The following RGS6 variants were observed in gnomAD, a reference collection of about 807,000 sequenced individuals.
RGS6 encodes regulator of G-protein signaling 6.
A neutral mutation model predicts 78.5 loss-of-function variants in RGS6; 30 were observed. That is an observed-to-expected ratio of 0.38 (90% CI 0.29 to 0.52). RGS6 has a LOEUF of 0.52. Ranked by LOEUF, RGS6 falls within the 20% of genes least tolerant of loss-of-function variation. The pLI, the probability that RGS6 is intolerant of heterozygous loss-of-function variation, is 0.85. For synonymous variants in RGS6, 206 were observed against 206.0 expected (o/e 1.00, Z 0.00); for missense variants, 495 against 609.7 (o/e 0.81, Z 1.98).
chr14:72,304,824 G>A (rs2066876212), intron 2 of RGS6, among the ~76,000 whole-genome samples: 1 of 152,300 alleles, frequency 6.6e-6, no homozygotes, highest in South Asian at 2.1e-4. Flanking sequence ...AGGTTGCCAT[G>A]AGTTGAGATC....
At chr14:71,919,084 T>C in the RGS6 span, among the ~76,000 whole-genome samples, 25 of 152,152 alleles carry the variant, frequency 1.6e-4, no homozygotes, top group Admixed American at 5.2e-4. Flanking sequence ...GCTTTCTTCC[T>C]TTGTGCTCAT....
At chr14:72,534,551 G>A (rs1362883325) in intron 15 of RGS6, among the ~76,000 whole-genome samples, 3 of 152,186 alleles carry the variant, frequency 2.0e-5, no homozygotes, top group African/African-American at 7.2e-5. Context: ...AGACCAAATA[G>A]TATTCCATTA....
At chr14:72,254,450 C>G (rs2056606664) in intron 2 of RGS6, among the ~76,000 whole-genome samples, 1 of 152,034 alleles carries the variant, frequency 6.6e-6, no homozygotes, top group Non-Finnish European at 1.5e-5. Context: ...CACATTGAAG[C>G]CTCATCTGCT....
At chr14:72,302,947 T>A (rs955214525) in intron 2 of RGS6, among the ~76,000 whole-genome samples, 3 of 152,190 alleles carry the variant, frequency 2.0e-5, no homozygotes, top group African/African-American at 4.8e-5. Flanking sequence ...AAAGGGCTGT[T>A]CCCCTGTACG....
chr14:72,078,554 C>T (rs1248489103), intron 2 of RGS6, among the ~76,000 whole-genome samples: 2 of 152,150 alleles, frequency 1.3e-5, no homozygotes, highest in African/African-American at 2.4e-5. Context: ...GCTGGGATTA[C>T]AGGCGCCCGT....
intron 3 of RGS6, among the ~76,000 whole-genome samples, chr14:72,379,346 AAAAT>A (rs1274057169): frequency 6.6e-6 from 1 of 152,040 alleles, no homozygotes; most frequent in Non-Finnish European, 1.5e-5. Context: ...AATTGGCAAA[AAAAT>A]AAATAAAGGG....
At position 72,551,479 on chromosome 14, in the gene RGS6, G is replaced by GAGTT. The variant is rs2097506000; in HGVS notation, c.1423-10936_1423-10933dup. On this transcript the variant is annotated intron_variant, in intron 17 of 17. Coordinates refer to ENST00000553525, the MANE Select transcript of RGS6 (RefSeq NM_001204424.2). Reference sequence around the variant, plus strand: ...GTGACTGAGCAGCACCAACCACCTGGAGTTAAATGTCAAAAACGTGGCAGG... The same window carrying GAGTT: ...GTGACTGAGCAGCACCAACCACCTGGAGTTAGTTAAATGTCAAAAACGTGGCAGG... 2.0e-5 allele frequency among the ~76,000 whole-genome samples: 3 copies of GAGTT among 152,146 alleles called. No homozygotes were observed. The South Asian group carries it at 6.2e-4, about 32-fold the overall frequency.
chr14:72,132,651 T>C (rs142966807), intron 2 of RGS6, among the ~76,000 whole-genome samples: 1 of 152,126 alleles, frequency 6.6e-6, no homozygotes, highest in Admixed American at 6.5e-5. Flanking sequence ...CTTCACACAC[T>C]CTTTTTTTTT....
chr14:72,269,567 ATTTTTTT>A (rs56171281), intron 2 of RGS6, among the ~76,000 whole-genome samples: 1,208 of 120,376 alleles, frequency 0.01, 65 homozygotes, highest in African/African-American at 0.037. Context: ...CCTATCTTAA[ATTTTTTT>A]TTTTTTTTTT....
At chr14:72,587,956 G>A in the RGS6 span, among the ~76,000 whole-genome samples, 1 of 152,202 alleles carries the variant, frequency 6.6e-6, no homozygotes, top group Non-Finnish European at 1.5e-5. Context: ...AGAGATGGTA[G>A]TGCTTGACCA....
chr14:71,868,870 G>C, the RGS6 span, among the ~76,000 whole-genome samples: 1 of 152,300 alleles, frequency 6.6e-6, no homozygotes, highest in East Asian at 1.9e-4. Context: ...AGGGTGCCTA[G>C]CACAGCCCCA....
intron 2 of RGS6, among the ~76,000 whole-genome samples, chr14:72,025,327 T>C (rs1175287608): frequency 1.3e-5 from 2 of 152,164 alleles, no homozygotes; most frequent in Non-Finnish European, 2.9e-5. Flanking sequence ...GTTTCTGTTA[T>C]TTGGTAGGTC....
chr14:72,186,187 A>G (rs2097243215), intron 2 of RGS6, among the ~76,000 whole-genome samples: 1 of 152,248 alleles, frequency 6.6e-6, no homozygotes, highest in Non-Finnish European at 1.5e-5. Flanking sequence ...AGCAGATTTT[A>G]TCAGCTGATC....
intron 2 of RGS6, among the ~76,000 whole-genome samples, chr14:72,350,783 A>G (rs1343566005): frequency 6.6e-6 from 1 of 152,154 alleles, no homozygotes; most frequent in Middle Eastern, 3.2e-3. Flanking sequence ...GATGCACCTC[A>G]CTATATCTTT....
At chr14:72,003,492 TC>T (rs780074353) in intron 2 of RGS6, among the ~76,000 whole-genome samples, 1 of 152,130 alleles carries the variant, frequency 6.6e-6, no homozygotes, top group South Asian at 2.1e-4. Context: ...AATCAACACC[TC>T]CCCGTGAAAG....
intron 12 of RGS6, among the ~76,000 whole-genome samples, chr14:72,481,439 A>G (rs1201782066): frequency 1.3e-5 from 2 of 152,146 alleles, no homozygotes; most frequent in South Asian, 4.2e-4. Context: ...CCAGTCTCCC[A>G]CACAGAGATC....
At chr14:72,489,163 C>CCCCCG (rs1566967264) in intron 12 of RGS6, among the ~76,000 whole-genome samples, 6 of 150,438 alleles carry the variant, frequency 4.0e-5, no homozygotes, top group African/African-American at 1.5e-4. Context: ...GGGGCCCCCC[C>CCCCCG]ACCGGCTGTT....
chr14:72,204,202 T>C (rs2042218283), intron 2 of RGS6, among the ~76,000 whole-genome samples: 1 of 152,184 alleles, frequency 6.6e-6, no homozygotes, highest in South Asian at 2.1e-4. Flanking sequence ...CCACTATTTA[T>C]TTCTAAAACT....
chr14:71,974,292 T>C (rs1299284684), intron 2 of RGS6, among the ~76,000 whole-genome samples: 1 of 152,238 alleles, frequency 6.6e-6, no homozygotes, highest in African/African-American at 2.4e-5. Flanking sequence ...AAAGTTCTGT[T>C]AGTTTGCCAG....
Sources: allele counts gnomAD v4.1 joint callset (sites outside exome capture counted in the v4.1 genomes callset), GRCh38; gene constraint gnomAD v4.1.1; transcripts MANE v1.5; gene names NCBI Gene and HGNC (gene_info 2026-07-23, HGNC 2026-07-21).